Variants in SDHC observed in about 807,000 individuals in gnomAD.
The protein encoded by SDHC is succinate dehydrogenase complex subunit C.
Under a neutral mutation model 22.6 loss-of-function variants are expected in SDHC, and 11 were observed. The observed-to-expected ratio is 0.49, with a 90% CI of 0.31 to 0.81. The LOEUF is 0.81. Ranked by LOEUF, SDHC falls within the 30% of genes least tolerant of loss-of-function variation. SDHC has a pLI of 0.05. For synonymous variants in SDHC, 80 were observed against 77.8 expected (o/e 1.03, Z -0.15); for missense variants, 160 against 212.0 (o/e 0.75, Z 1.52).
chr1:161,343,696 T>C (rs1159875294), intron 4 of SDHC, among the ~76,000 whole-genome samples: 1 of 152,192 alleles, frequency 6.6e-6, no homozygotes, highest in Admixed American at 6.5e-5. Flanking sequence ...AATTTCTAGA[T>C]GGATGCTTTC....
At chr1:161,346,590 GT>G (rs1467996281) in intron 4 of SDHC, among the ~76,000 whole-genome samples, 1 of 152,000 alleles carries the variant, frequency 6.6e-6, no homozygotes, top group African/African-American at 2.4e-5. Context: ...TAGAGGCAGG[GT>G]TTCTCCATGT....
At chr1:161,358,940 A>AT in intron 5 of SDHC, among the ~76,000 whole-genome samples, 1 of 151,160 alleles carries the variant, frequency 6.6e-6, no homozygotes, top group Non-Finnish European at 1.5e-5. Flanking sequence ...CAAAAAAAAA[A>AT]AAAAAAATAC....
At chr1:161,355,771 G>C (rs921641468) in intron 4 of SDHC, among the ~76,000 whole-genome samples, 7 of 152,074 alleles carry the variant, frequency 4.6e-5, no homozygotes, top group African/African-American at 1.7e-4. Flanking sequence ...ATCACTTGAG[G>C]CCAGGAGTTT....
intron 1 of SDHC, among the ~76,000 whole-genome samples, chr1:161,316,004 A>G (rs1405909373): frequency 1.3e-5 from 2 of 152,170 alleles, no homozygotes; most frequent in African/African-American, 4.8e-5. Flanking sequence ...TTAGATACGT[A>G]TACACATAAA....
intron 4 of SDHC, 105 bp from the exon 5 acceptor site, chr1:161,356,571 TC>T: frequency 6.0e-6 from 7 of 1,169,384 alleles, no homozygotes; most frequent in Non-Finnish European, 9.0e-6. Context: ...CTTCTCCATT[TC>T]AAAATGGTTT....
At chr1:161,329,740 T>G (rs1671207811) in intron 3 of SDHC, among the ~76,000 whole-genome samples, 1 of 152,196 alleles carries the variant, frequency 6.6e-6, no homozygotes, top group Admixed American at 6.5e-5. Flanking sequence ...ACAACACAGG[T>G]CTCATTAGGC....
At chr1:161,333,203 T>C (rs1239878581) in intron 3 of SDHC, among the ~76,000 whole-genome samples, 1 of 152,244 alleles carries the variant, frequency 6.6e-6, no homozygotes, top group Admixed American at 6.5e-5. Context: ...AATATTTCAT[T>C]GTATGTACAT....
intron 3 of SDHC, among the ~76,000 whole-genome samples, chr1:161,332,970 T>G (rs1671337666): frequency 6.6e-6 from 1 of 152,190 alleles, no homozygotes; most frequent in African/African-American, 2.4e-5. Flanking sequence ...AAAGAAACAC[T>G]ACATTTCTTA....
chr1:161,323,508 T>G, intron 1 of SDHC, 106 bp from the exon 2 acceptor site: 1 of 847,140 alleles, frequency 1.2e-6, no homozygotes, highest in Non-Finnish European at 2.0e-6. Context: ...GTCATTGTTT[T>G]TATATCTTAC....
At chr1:161,317,111 C>T (rs764666608) in intron 1 of SDHC, among the ~76,000 whole-genome samples, 5 of 151,622 alleles carry the variant, frequency 3.3e-5, no homozygotes, top group Admixed American at 6.6e-5. Flanking sequence ...CGCCCCTGCC[C>T]GGGTTCAAGC....
intron 1 of SDHC, among the ~76,000 whole-genome samples, chr1:161,318,226 C>T (rs1265141062): frequency 6.6e-6 from 1 of 152,100 alleles, no homozygotes; most frequent in African/African-American, 2.4e-5. Flanking sequence ...CTTATTCCTC[C>T]CTTCTAACTG....
chr1:161,340,659 T>A lies in SDHC; in HGVS notation c.241+4T>A, dbSNP rs1424945597. The A allele has an allele frequency of 3.1e-6, 5 of 1,613,122 alleles. No individual in the cohort carries two copies. In the South Asian group the frequency reaches 5.5e-5, roughly 18 times the overall value. On this transcript the variant is annotated splice_donor_region_variant and intron_variant, in intron 4 of 5. Coordinates refer to ENST00000367975, the MANE Select transcript of SDHC (RefSeq NM_003001.5). ...ACTGGTATTGCTTTGAGTGCAGGTA[T>A]GTATATGTGTTTTTACACACACATA...
intron 4 of SDHC, among the ~76,000 whole-genome samples, chr1:161,346,340 C>G (rs552515306): frequency 6.7e-4 from 102 of 152,070 alleles, no homozygotes; most frequent in African/African-American, 2.4e-3. Context: ...AATATATAGT[C>G]TCTACTCTCA....
chr1:161,358,032 CTTTTTTTTTTT>C (rs34253350), intron 5 of SDHC, among the ~76,000 whole-genome samples: 1 of 104,830 alleles, frequency 9.5e-6, no homozygotes, highest in Non-Finnish European at 1.9e-5. Flanking sequence ...GGTTAGGAAT[CTTTTTTTTTTT>C]TTTTTTTTTT....
chr1:161,346,698 A>G lies in SDHC; in HGVS notation c.241+6043A>G, dbSNP rs968382495. Among the ~76,000 whole-genome samples, 13 of 152,018 alleles carry G rather than the reference A, an allele frequency of 8.6e-5. 1 individual carries two copies. Among genetic ancestry groups the G allele is most frequent in the African/African-American group, 3.1e-4 (13 of 41,386 alleles). On this transcript the variant is annotated intron_variant, in intron 4 of 5. Transcript: ENST00000367975. Reference sequence around the variant, plus strand: ...CAGGTATGAGCCACCATGCCCGGCCATGATAGCTTTTTAATAAGAGATATG... The same window carrying G: ...CAGGTATGAGCCACCATGCCCGGCCGTGATAGCTTTTTAATAAGAGATATG...
In SDHC at chr1:161,362,181, AG is replaced by A. The variant is rs1672539621; in HGVS notation, c.406-146del. Reference sequence around the variant, plus strand: ...ATACTGTGGGTTTTGAGAAGGGTAAAGGTGGGGCATAAGGGTAGAAGCGCTT... The same window carrying A: ...ATACTGTGGGTTTTGAGAAGGGTAAAGTGGGGCATAAGGGTAGAAGCGCTT... On this transcript the variant is annotated intron_variant, in intron 5 of 5. Transcript: ENST00000367975. 5.5e-6 allele frequency: 5 copies of A among 913,250 alleles called. No individual in the cohort carries two copies. The Admixed American group carries it at 1.1e-4, about 20-fold the overall frequency. The allele number at this position is 913,250 out of a possible 1,614,324, so 56.6% of individuals were successfully genotyped here.
chr1:161,345,518 G>A (rs761145602), intron 4 of SDHC, among the ~76,000 whole-genome samples: 2 of 152,108 alleles, frequency 1.3e-5, no homozygotes, highest in Non-Finnish European at 2.9e-5. Flanking sequence ...ATGTAGTGGC[G>A]CGATCTCAGC....
At position 161,340,627 on chromosome 1, in the gene SDHC, CCGT is replaced by C; in HGVS notation, c.214_216del (p.Arg72del). On this transcript the variant is annotated inframe_deletion, in exon 4 of 6. Transcript: ENST00000367975. The stretch of plus-strand genomic sequence containing the variant: ...TTCCCATGGCGATGTCCATCTGCCA[CCGT>C]GGCACTGGTATTGCTTTGAGTGCAG... The C allele has an allele frequency of 6.2e-7, 1 of 1,614,032 alleles. No individual in the cohort carries two copies. The highest frequency in any genetic ancestry group is 1.1e-5 in the South Asian group (1 of 91,084).
intron 2 of SDHC, among the ~76,000 whole-genome samples, chr1:161,325,814 A>G (rs1571847196): frequency 6.6e-6 from 1 of 152,200 alleles, no homozygotes; most frequent in Admixed American, 6.5e-5. Context: ...AGCATAATCT[A>G]TTTATGTGAA....
Sources: allele counts gnomAD v4.1 joint callset (sites outside exome capture counted in the v4.1 genomes callset), GRCh38; gene constraint gnomAD v4.1.1; transcripts MANE v1.5; gene names NCBI Gene and HGNC (gene_info 2026-07-23, HGNC 2026-07-21).